EPN2: variants seen among roughly 807,000 people sequenced by gnomAD.
EPN2 encodes the protein epsin 2.
EPN2 carries 34 observed loss-of-function variants against 61.7 expected under a neutral mutation model. The observed-to-expected ratio is 0.55, with a 90% CI of 0.42 to 0.73. The LOEUF (loss-of-function observed/expected upper bound fraction) is 0.73, where lower values mean the gene tolerates loss of function less well. Among genes scored for constraint, EPN2 ranks in the 30% least tolerant of loss-of-function variants. The pLI is 0.00. For missense variants in EPN2, 714 were observed against 839.2 expected, an observed-to-expected ratio of 0.85 and a Z score of 1.84; for synonymous variants, 349 against 353.6, an observed-to-expected ratio of 0.99 and a Z score of 0.15.
chr17:19,276,273 C>T (rs1265262747), intron 1 of EPN2: 1 of 151,876 alleles, frequency 6.6e-6, no homozygotes, highest in East Asian at 1.9e-4. Context: ...CTGTAGCCTC[C>T]ATCTCCTGGG....
At chr17:19,287,828 T>C (rs923710308) in intron 4 of EPN2, among the ~76,000 whole-genome samples, 1 of 152,190 alleles carries the variant, frequency 6.6e-6, no homozygotes, top group Non-Finnish European at 1.5e-5. Context: ...CATGAGGATG[T>C]CTGAGGAGAG....
rs185659939 is a variant in EPN2 at position 19,298,757 on chromosome 17, G to A, written c.767-11128G>A. Among the ~76,000 whole-genome samples, 44 of 152,316 alleles carry A rather than the reference G, an allele frequency of 2.9e-4. No individual in the cohort carries two copies. The East Asian group carries it at 8.1e-3, about 28-fold the overall frequency. On this transcript the variant is annotated intron_variant, in intron 4 of 10. Coordinates refer to ENST00000314728, the MANE Select transcript of EPN2 (RefSeq NM_014964.5). ...CTTGTAAAATGGACGTAACCATAGT[G>A]CTTCTCTCCCGGGTTATTGTGTACG...
intron 1 of EPN2, among the ~76,000 whole-genome samples, chr17:19,265,554 T>A (rs1384487534): frequency 6.6e-6 from 1 of 152,200 alleles, no homozygotes; most frequent in African/African-American, 2.4e-5. Context: ...ATGGTTCTCT[T>A]GTGTCCCTGC....
intron 1 of EPN2, among the ~76,000 whole-genome samples, chr17:19,260,813 A>G (rs1210690999): frequency 1.3e-5 from 2 of 152,156 alleles, no homozygotes; most frequent in Admixed American, 1.3e-4. Context: ...ATGCAAGTAC[A>G]GCAAACACAA....
At chr17:19,278,086 AG>A (rs2045326107) in intron 1 of EPN2, among the ~76,000 whole-genome samples, 2 of 151,182 alleles carry the variant, frequency 1.3e-5, no homozygotes, top group South Asian at 2.1e-4. Flanking sequence ...AAAAAAAAAA[AG>A]AAAATGAAAA....
rs1321838001 is a variant in EPN2 at position 19,334,375 on chromosome 17, C to G, written c.*121C>G. The G allele has an allele frequency of 1.3e-6, 1 of 780,708 alleles. No individual in the cohort carries two copies. The highest frequency in any genetic ancestry group is 1.8e-5 in the African/African-American group (1 of 55,776). The allele number at this position is 780,708 out of a possible 1,614,324, so 48.4% of individuals were successfully genotyped here. On this transcript the variant is annotated 3_prime_UTR_variant, in exon 11 of 11. Coordinates refer to ENST00000314728, the MANE Select transcript of EPN2 (RefSeq NM_014964.5). The surrounding 1 kb of genome is among the most constrained non-coding windows in gnomAD (Gnocchi z 4.9). ...GGGTATTAGGGCTTTTCAGCTCCAG[C>G]TTCCTGATGAAAGGGCTGTCTTTAC...
chr17:19,320,705 A>G (rs949222377), intron 7 of EPN2, among the ~76,000 whole-genome samples: 1 of 152,202 alleles, frequency 6.6e-6, no homozygotes, highest in African/African-American at 2.4e-5. Context: ...CACTCAGTCT[A>G]AGACACTTGA....
At chr17:19,250,126 C>G (rs2044998357) in intron 1 of EPN2, among the ~76,000 whole-genome samples, 2 of 151,360 alleles carry the variant, frequency 1.3e-5, no homozygotes. Flanking sequence ...CGGAGCCTCT[C>G]TCTGTCTCCT....
chr17:19,277,390 G>A (rs1284767168), intron 1 of EPN2, among the ~76,000 whole-genome samples: 6 of 122,672 alleles, frequency 4.9e-5, no homozygotes, highest in Non-Finnish European at 9.4e-5. Flanking sequence ...AAAAGGGTGA[G>A]ACTCTGTCTC....
intron 7 of EPN2, among the ~76,000 whole-genome samples, chr17:19,321,461 C>T (rs1906632283): frequency 6.6e-6 from 1 of 152,124 alleles, no homozygotes; most frequent in South Asian, 2.1e-4. Flanking sequence ...TGACTTTAAC[C>T]AGTGAGAACC....
At chr17:19,242,132 G>GAA (rs5819664) in intron 1 of EPN2, among the ~76,000 whole-genome samples, 2,017 of 115,270 alleles carry the variant, frequency 0.017, 76 homozygotes, top group East Asian at 0.13. Flanking sequence ...TGTTTGATCT[G>GAA]AAAAAAAAAA....
rs77092617 is a variant in EPN2 at position 19,239,935 on chromosome 17, A to C, written c.-294+2404A>C. ...CATAATGAGCGGAGGATTTCCCAAG[A>C]ATTGGGATTCTGATAAGAGTCCTGC... On this transcript the variant is annotated intron_variant, in intron 1 of 10. Transcript: ENST00000314728. Among the ~76,000 whole-genome samples, 556 of 152,244 alleles carry C rather than the reference A, an allele frequency of 3.7e-3. 3 individuals are homozygous for C. The highest frequency in any genetic ancestry group is 0.013 in the African/African-American group (526 of 41,546).
rs1212308767 is a variant in EPN2 at position 19,331,984 on chromosome 17, C to T, written c.1543C>T (p.Pro515Ser). The T allele has an allele frequency of 1.2e-6, 2 of 1,614,066 alleles. No homozygotes were observed. Among genetic ancestry groups the T allele is most frequent in the Admixed American group, 1.7e-5 (1 of 60,016 alleles). Residue 515 changes from proline (P) to serine (S), a missense_variant, in exon 10 of 11, where the codon CCC (proline) becomes TCC (serine). Around this residue, in one of 2 missense-constraint regions of EPN2, gnomAD observed 410 missense variants for 421.8 expected, o/e 0.97. Transcript: ENST00000314728. ...GAAAACACCTGAGTCCTTCCTGGGC[C>T]CCAACGCGGCCCTGGTGAACCTGGA... ...ARKTPESFLGPNAALVNLDSL... is the reference protein window; with the variant it reads ...ARKTPESFLGSNAALVNLDSL...
intron 9 of EPN2, among the ~76,000 whole-genome samples, chr17:19,330,220 C>T (rs1185358572): frequency 6.6e-6 from 1 of 152,206 alleles, no homozygotes; most frequent in Non-Finnish European, 1.5e-5. Context: ...ATGCATTCTT[C>T]ACACACCCTG....
intron 1 of EPN2, among the ~76,000 whole-genome samples, chr17:19,252,040 G>A (rs777736195): frequency 1.3e-5 from 2 of 152,108 alleles, no homozygotes; most frequent in Non-Finnish European, 2.9e-5. Flanking sequence ...CATGAAGTCA[G>A]GTGTGGAGTT....
intron 1 of EPN2, among the ~76,000 whole-genome samples, chr17:19,242,918 T>TCGATAG (rs2044900804): frequency 6.6e-6 from 1 of 152,194 alleles, no homozygotes; most frequent in South Asian, 2.1e-4. Context: ...TTGCAGCAGC[T>TCGATAG]CGATAGCTGA....
chr17:19,282,843 A>G (rs531051510), intron 2 of EPN2, 107 bp from the exon 3 acceptor site: 2 of 369,710 alleles, frequency 5.4e-6, no homozygotes, highest in African/African-American at 2.1e-5. Flanking sequence ...GAGGCTGGGT[A>G]TGTCCACTCA....
rs548898607 is a variant in EPN2, at chr17:19,266,942, T to G, written c.-293-15013T>G. ...TGGCTCAGGCCTGTAATCCCAGCAC[T>G]TTGGGAGGCTGAGGCAGACGGATCA... On this transcript the variant is annotated intron_variant, in intron 1 of 10. Coordinates refer to ENST00000314728, the MANE Select transcript of EPN2 (RefSeq NM_014964.5). 3.1e-3 allele frequency among the ~76,000 whole-genome samples: 462 copies of G among 146,878 alleles called. 2 individuals carry two copies. The highest frequency in any genetic ancestry group is 4.6e-3 in the Non-Finnish European group (308 of 66,404).
chr17:19,321,001 C>G (rs185792379), intron 7 of EPN2, among the ~76,000 whole-genome samples: 3 of 152,328 alleles, frequency 2.0e-5, no homozygotes, highest in Non-Finnish European at 2.9e-5. Flanking sequence ...AGCCGATGTT[C>G]TCATGGAGCA....
Sources: gnomAD v4.1 joint callset for allele counts (sites outside exome capture counted in the v4.1 genomes callset) on GRCh38, gnomAD v4.1.1 for gene constraint, gnomAD v4.1.1 regional missense constraint, Gnocchi (gnomAD v3.1) non-coding constraint, MANE v1.5 for transcripts, NCBI Gene and HGNC (gene_info 2026-07-23, HGNC 2026-07-21) for gene names.